The following EP300 variants were observed in gnomAD, a reference collection of about 807,000 sequenced individuals.
The protein encoded by EP300 is EP300 lysine acetyltransferase, also known as histone acetyltransferase p300.
In EP300, 31 loss-of-function variants were observed where a neutral mutation model predicts 264.0. The ratio of observed to expected loss-of-function variants is 0.12; its 90% CI spans 0.09 to 0.16. The LOEUF is 0.16. EP300 is among the 10% of genes least tolerant of loss of function. The pLI is 1.00. For synonymous variants in EP300, 1,340 were observed against 1,045.4 expected, an observed-to-expected ratio of 1.28 and a Z score of -5.44; for missense variants, 2,766 against 3,052.9, an observed-to-expected ratio of 0.91 and a Z score of 2.21.
chr22:41,133,475 A>T (rs937584326), intron 6 of EP300, among the ~76,000 whole-genome samples: 27 of 152,202 alleles, frequency 1.8e-4, no homozygotes, highest in East Asian at 1.2e-3. Flanking sequence ...TTTAATACAG[A>T]TTGAGTATCC....
intron 1 of EP300, among the ~76,000 whole-genome samples, chr22:41,116,584 C>T (rs555636287): frequency 7.3e-4 from 111 of 152,180 alleles, no homozygotes; most frequent in African/African-American, 2.6e-3. Flanking sequence ...GTATATGTGC[C>T]ACATTTTCTT....
intron 19 of EP300, 87 bp from the exon 20 acceptor site, chr22:41,160,555 C>T: frequency 7.9e-7 from 1 of 1,261,584 alleles, no homozygotes; most frequent in Non-Finnish European, 1.2e-6. Flanking sequence ...CCTCCTTGGC[C>T]TGCTGTGATT....
At chr22:41,171,050 G>T (rs2059167900) in intron 27 of EP300, among the ~76,000 whole-genome samples, 1 of 142,220 alleles carries the variant, frequency 7.0e-6, no homozygotes, top group Non-Finnish European at 1.5e-5. Context: ...CTTTTATTTT[G>T]TATATTCAAA....
Position 41,139,232 on chromosome 22 carries a change from G to A in EP300, c.1761-908G>A, listed in dbSNP as rs560501881. Among the ~76,000 whole-genome samples, 13 of 152,322 alleles carry A rather than the reference G, an allele frequency of 8.5e-5. No homozygotes were observed. In the South Asian group the frequency reaches 2.7e-3, roughly 32 times the overall value. On this transcript the variant is annotated intron_variant, in intron 8 of 30. Transcript: ENST00000263253. ...GCCTCCCAAAGGGCTGGGATTATAG[G>A]CGTTGAGCCACTGTGTCCAGCCAGG...
chr22:41,177,523 A>T lies in EP300; in HGVS notation c.5812A>T (p.Thr1938Ser), dbSNP rs2145517857. The part of the protein sequence containing the change: ...MAMQIQRAAE[T>S]QRQMAHVQIF... ...AATGCAGATTCAGAGAGCAGCGGAG[A>T]CGCAGCGCCAGATGGCCCACGTGCA... is the stretch of plus-strand genomic sequence containing the variant. The change falls in exon 31 of 31, where the codon ACG (threonine) becomes TCG (serine). Residue 1938 changes from threonine to serine, a missense_variant. By Grantham distance (58) the Thr-to-Ser change is moderately conservative. Transcript: ENST00000263253. 3 of 1,614,096 alleles carry T rather than the reference A, an allele frequency of 1.9e-6. No homozygotes were observed. Among genetic ancestry groups the T allele is most frequent in the Non-Finnish European group, 2.5e-6 (3 of 1,180,018 alleles).
chr22:41,148,003 T>C, intron 12 of EP300, 57 bp downstream of exon 12: 1 of 1,180,640 alleles, frequency 8.5e-7, no homozygotes, highest in South Asian at 1.4e-5. Flanking sequence ...TTGAAAATCC[T>C]GTTTGTTCCT....
intron 16 of EP300, among the ~76,000 whole-genome samples, chr22:41,153,007 C>T (rs774162139): frequency 2.0e-5 from 3 of 152,144 alleles, no homozygotes; most frequent in East Asian, 1.9e-4. Context: ...CCACCCGCTT[C>T]GAGCTCCCAA....
chr22:41,120,519 C>A (rs1407464335), intron 2 of EP300, among the ~76,000 whole-genome samples: 1 of 152,204 alleles, frequency 6.6e-6, no homozygotes, highest in Non-Finnish European at 1.5e-5. Context: ...ACCCTGTTGG[C>A]AAATGACATC....
rs987621781 is a variant in EP300 at position 41,092,700 on chromosome 22, C to T, written c.-305C>T. 2.7e-5 allele frequency: 17 copies of T among 620,932 alleles called. No individual in the cohort carries two copies. The East Asian group carries it at 4.4e-4, about 16-fold the overall frequency. The allele number at this position is 620,932 out of a possible 1,614,324, so 38.5% of individuals were successfully genotyped here. The stretch of plus-strand genomic sequence containing the variant: ...CCGTGGCGGGCCGGGGACTGCGCCT[C>T]TAGAGCCGCGAGTTCTCGGGAATTC... On this transcript the variant is annotated 5_prime_UTR_variant, in exon 1 of 31. Transcript: ENST00000263253.
intron 6 of EP300, among the ~76,000 whole-genome samples, chr22:41,133,878 G>GT (rs2058934535): frequency 6.6e-6 from 1 of 152,180 alleles, no homozygotes; most frequent in Non-Finnish European, 1.5e-5. Flanking sequence ...TTGAACAACT[G>GT]TTTTGTCAGA....
At chr22:41,133,140 G>A (rs116099340) in intron 6 of EP300, among the ~76,000 whole-genome samples, 4,284 of 146,126 alleles carry the variant, frequency 0.029, 247 homozygotes, top group East Asian at 0.21. Flanking sequence ...CACCGCACCT[G>A]GCCTAAGATT....
chr22:41,176,674 T>C, intron 30 of EP300, 99 bp from the exon 31 acceptor site: 1 of 1,612,140 alleles, frequency 6.2e-7, no homozygotes, highest in Non-Finnish European at 8.5e-7. Flanking sequence ...CTAGTTTTTG[T>C]TCTACGAAAG....
At chr22:41,097,793 C>CT (rs893729462) in intron 1 of EP300, among the ~76,000 whole-genome samples, 2,341 of 148,362 alleles carry the variant, frequency 0.016, 35 homozygotes, top group African/African-American at 0.038. Flanking sequence ...TAAAATTTTT[C>CT]TTTTTTTTTT....
At chr22:41,162,914 G>A (rs2059115554) in intron 21 of EP300, 135 bp downstream of exon 21, 3 of 746,604 alleles carry the variant, frequency 4.0e-6, no homozygotes, top group Non-Finnish European at 7.3e-6. Context: ...CTAATGGATA[G>A]TAAAACCATG....
chr22:41,135,389 T>C (rs1206495983), intron 6 of EP300, among the ~76,000 whole-genome samples: 1 of 152,168 alleles, frequency 6.6e-6, no homozygotes, highest in Non-Finnish European at 1.5e-5. Context: ...TATGTACTTT[T>C]ATATATATGC....
chr22:41,092,898 C>T lies in EP300; in HGVS notation c.-107C>T. 1.6e-6 allele frequency: 2 copies of T among 1,260,004 alleles called. No individual in the cohort carries two copies. Among genetic ancestry groups the T allele is most frequent in the African/African-American group, 1.5e-5 (1 of 68,186 alleles). 78.1% of individuals were successfully genotyped at this position (1,260,004 alleles called of 1,614,324 possible). ...CTTCCCCCACCCCCTCGGGTGCCGT[C>T]GGAGCCCCCCAGCCCACCCCTGGGT... is the stretch of plus-strand genomic sequence containing the variant. On this transcript the variant is annotated 5_prime_UTR_variant, in exon 1 of 31. Coordinates refer to ENST00000263253, the MANE Select transcript of EP300 (RefSeq NM_001429.4).
intron 11 of EP300, 34 bp from the exon 12 acceptor site, chr22:41,147,803 G>A (rs971832473): frequency 2.3e-6 from 3 of 1,303,394 alleles, no homozygotes. Context: ...TTTCACAAAG[G>A]CATTCAGATC....
chr22:41,100,055 C>G (rs1000025925), intron 1 of EP300, among the ~76,000 whole-genome samples: 1 of 152,082 alleles, frequency 6.6e-6, no homozygotes, highest in Admixed American at 6.6e-5. Flanking sequence ...CCCATCCCCC[C>G]ACCATCTCTA....
Position 41,151,889 on chromosome 22 carries a change from T to C in EP300, c.2874T>C (p.Ser958=). Reference sequence around the variant, plus strand: ...AGGTATCAAATCCTCCATCTACTAGTAGCACAGAAGTGAATTCTCAGGCCA... The same window carrying C: ...AGGTATCAAATCCTCCATCTACTAGCAGCACAGAAGTGAATTCTCAGGCCA... ...EGQVSNPPST[S]STEVNSQAIA... The change falls in exon 15 of 31, where the codon AGT becomes AGC. Residue 958 remains serine (S), a synonymous_variant. Transcript: ENST00000263253. 2 of 1,614,096 alleles carry C rather than the reference T, an allele frequency of 1.2e-6. No homozygotes were observed. The highest frequency in any genetic ancestry group is 1.7e-6 in the Non-Finnish European group (2 of 1,180,024).
Sources: gnomAD v4.1 joint callset for allele counts (sites outside exome capture counted in the v4.1 genomes callset) on GRCh38, gnomAD v4.1.1 for gene constraint, MANE v1.5 for transcripts, NCBI Gene and HGNC (gene_info 2026-07-23, HGNC 2026-07-21) for gene names.